The following SIN3A variants were observed in gnomAD, a reference collection of about 807,000 sequenced individuals.
The protein encoded by SIN3A is paired amphipathic helix protein Sin3a.
In SIN3A, 14 loss-of-function variants were observed where a neutral mutation model predicts 146.1. The observed-to-expected ratio is 0.10, with a 90% CI of 0.06 to 0.15. The LOEUF (loss-of-function observed/expected upper bound fraction) is 0.15, where lower values mean the gene tolerates loss of function less well. Among genes scored for constraint, SIN3A ranks in the 10% least tolerant of loss-of-function variants. The probability of loss-of-function intolerance (pLI) is 1.00; values close to 1 mark genes in which losing one functional copy is unlikely to be tolerated. For missense variants in SIN3A, 1,028 were observed against 1,576.0 expected (o/e 0.65, Z 5.89); for synonymous variants, 572 against 572.0 (o/e 1.00, Z 0.00).
At chr15:75,413,751 TTGTAATA>T (rs1555446617) in intron 4 of SIN3A, among the ~76,000 whole-genome samples, 1 of 152,142 alleles carries the variant, frequency 6.6e-6, no homozygotes, top group Non-Finnish European at 1.5e-5. Context: ...TATATGTTCA[TTGTAATA>T]ATTCTACCAA....
intron 20 of SIN3A, among the ~76,000 whole-genome samples, chr15:75,373,504 A>G (rs969930758): frequency 2.6e-5 from 4 of 152,154 alleles, no homozygotes; most frequent in African/African-American, 9.7e-5. Flanking sequence ...ACTCAACAAG[A>G]TGAGAATAAG....
intron 2 of SIN3A, among the ~76,000 whole-genome samples, chr15:75,424,325 T>C (rs991756120): frequency 3.3e-5 from 5 of 151,248 alleles, no homozygotes; most frequent in African/African-American, 1.2e-4. Context: ...TCCCAGCTAT[T>C]CGGGAGGCTG....
At chr15:75,389,594 C>A in intron 16 of SIN3A, 58 bp downstream of exon 16, 2 of 1,560,780 alleles carry the variant, frequency 1.3e-6, no homozygotes, top group Non-Finnish European at 8.8e-7. Context: ...CCTTGCGTGG[C>A]CCATCTCTAG....
intron 3 of SIN3A, chr15:75,421,432 G>C (rs894009625): frequency 6.6e-6 from 1 of 152,178 alleles, no homozygotes; most frequent in South Asian, 2.1e-4. Context: ...CCAATATAGA[G>C]AGTAAATTTT....
At chr15:75,377,467 G>C (rs1399253280) in intron 19 of SIN3A, among the ~76,000 whole-genome samples, 1 of 151,782 alleles carries the variant, frequency 6.6e-6, no homozygotes, top group South Asian at 2.1e-4. Flanking sequence ...TCTAATAAAA[G>C]TACAAAAATT....
At chr15:75,401,997 A>AAAAACT in intron 9 of SIN3A, 27 bp from the exon 10 acceptor site, 2 of 1,469,990 alleles carry the variant, frequency 1.4e-6, no homozygotes, top group Non-Finnish European at 1.9e-6. Context: ...GAAGAAAAAC[A>AAAAACT]GTTTTTGTTT....
At chr15:75,418,763 T>C (rs2073788779) in intron 3 of SIN3A, among the ~76,000 whole-genome samples, 1 of 152,092 alleles carries the variant, frequency 6.6e-6, no homozygotes, top group Non-Finnish European at 1.5e-5. Context: ...TTTTTGTTTT[T>C]GTTTTTTTTG....
intron 2 of SIN3A, among the ~76,000 whole-genome samples, chr15:75,426,607 T>G (rs967447561): frequency 6.6e-6 from 1 of 152,164 alleles, no homozygotes; most frequent in African/African-American, 2.4e-5. Context: ...CACAATAGTA[T>G]GTAATGTATG....
intron 1 of SIN3A, among the ~76,000 whole-genome samples, chr15:75,444,643 C>G (rs1008808744): frequency 6.6e-6 from 1 of 150,726 alleles, no homozygotes; most frequent in African/African-American, 2.4e-5. Flanking sequence ...CCGAGGTGGG[C>G]AGACTGCTTG....
chr15:75,441,454 C>A (rs1297013816), intron 1 of SIN3A, among the ~76,000 whole-genome samples: 1 of 152,038 alleles, frequency 6.6e-6, no homozygotes, highest in East Asian at 1.9e-4. Context: ...TACAGAGTGG[C>A]TAATAAGAAA....
rs971309352 is a variant in SIN3A, at chr15:75,371,831, C to T, written c.*148G>A. On this transcript the variant is annotated 3_prime_UTR_variant, in exon 21 of 21. Transcript: ENST00000394947. The stretch of plus-strand genomic sequence containing the variant: ...AGGTAGCCCACTTGGTGCCAGGCTG[C>T]ACCAGCCACACACAGGTCAGGTGGC... 1.5e-5 allele frequency: 10 copies of T among 669,286 alleles called. No individual in the cohort carries two copies. The East Asian group carries it at 1.7e-4, about 11-fold the overall frequency. 41.5% of individuals were successfully genotyped at this position (669,286 alleles called of 1,614,324 possible). A position where few individuals can be genotyped will look rare whatever the true frequency, so the allele number is the denominator to read the frequency against.
intron 4 of SIN3A, 71 bp from the exon 5 acceptor site, chr15:75,413,116 G>GTT (rs1006747414): frequency 5.6e-6 from 8 of 1,432,256 alleles, no homozygotes; most frequent in East Asian, 2.5e-5. Flanking sequence ...AAAATTTCAT[G>GTT]TTTTTTTTTC....
chr15:75,429,473 G>A (rs2073979128), intron 2 of SIN3A, among the ~76,000 whole-genome samples: 1 of 152,142 alleles, frequency 6.6e-6, no homozygotes, highest in South Asian at 2.1e-4. Flanking sequence ...GACTGCATGG[G>A]GGGAAGTCAG....
intron 8 of SIN3A, among the ~76,000 whole-genome samples, chr15:75,409,422 G>A (rs1237431196): frequency 6.6e-6 from 1 of 152,062 alleles, no homozygotes; most frequent in East Asian, 1.9e-4. Flanking sequence ...CAAATATCTA[G>A]GACCCAACCG....
At position 75,409,769 on chromosome 15, in the gene SIN3A, C is replaced by T. The variant is rs1342393379; in HGVS notation, c.1317+67G>A. 9.1e-6 allele frequency: 14 copies of T among 1,533,348 alleles called. No individual in the cohort carries two copies. In the African/African-American group the frequency reaches 1.9e-4, roughly 21 times the overall value. 95.0% of individuals were successfully genotyped at this position (1,533,348 alleles called of 1,614,324 possible). On this transcript the variant is annotated intron_variant, in intron 8 of 20. Coordinates refer to ENST00000394947, the MANE Select transcript of SIN3A (RefSeq NM_001145358.2). ...CAACAACAACAAAACACATGACCAC[C>T]TCTAGAGTACCTCTCCATTAGAAAT... is the stretch of plus-strand genomic sequence containing the variant.
chr15:75,381,836 C>T, intron 17 of SIN3A, 131 bp from the exon 18 acceptor site: 1 of 733,044 alleles, frequency 1.4e-6, no homozygotes, highest in South Asian at 1.8e-5. Context: ...GAGGAAGATA[C>T]TAGATCTTGG....
chr15:75,420,179 A>C (rs1595913517), intron 3 of SIN3A: 2 of 152,250 alleles, frequency 1.3e-5, no homozygotes, highest in South Asian at 4.1e-4. Context: ...GGAGAGAAAA[A>C]CACAAGCAAC....
chr15:75,423,241 GCT>G (rs1178533977), intron 2 of SIN3A, among the ~76,000 whole-genome samples: 1 of 151,962 alleles, frequency 6.6e-6, no homozygotes, highest in East Asian at 1.9e-4. Flanking sequence ...TCACACCACT[GCT>G]CTCTAGCCCA....
intron 11 of SIN3A, among the ~76,000 whole-genome samples, 155 bp from the exon 12 acceptor site, chr15:75,400,311 T>C (rs1432363328): frequency 6.6e-6 from 1 of 152,172 alleles, no homozygotes; most frequent in Non-Finnish European, 1.5e-5. Flanking sequence ...AAGCTATTAG[T>C]AAGAAAAGGG....
Sources: allele counts gnomAD v4.1 joint callset (sites outside exome capture counted in the v4.1 genomes callset), GRCh38; gene constraint gnomAD v4.1.1; transcripts MANE v1.5; gene names NCBI Gene and HGNC (gene_info 2026-07-23, HGNC 2026-07-21).